Variants in PDE11A observed in about 807,000 individuals in gnomAD.
PDE11A encodes the protein phosphodiesterase 11A, also known as dual 3',5'-cyclic-AMP and -GMP phosphodiesterase 11A.
A neutral mutation model predicts 100.5 loss-of-function variants in PDE11A; 100 were observed. That is an observed-to-expected ratio of 1.00 (90% CI 0.85 to 1.18). The LOEUF is 1.18. Ranked by LOEUF, PDE11A falls within the 50% of genes most tolerant of loss-of-function variation. The probability of loss-of-function intolerance (pLI) is 0.00; values close to 1 mark genes in which losing one functional copy is unlikely to be tolerated. For synonymous variants in PDE11A, 381 were observed against 420.8 expected, an observed-to-expected ratio of 0.91 and a Z score of 1.16; for missense variants, 1,141 against 1,152.6, an observed-to-expected ratio of 0.99 and a Z score of 0.15.
chr2:177,633,506 A>G (rs1220770091), intron 19 of PDE11A, among the ~76,000 whole-genome samples: 2 of 152,256 alleles, frequency 1.3e-5, no homozygotes, highest in East Asian at 3.8e-4. Context: ...AAGACAGAGT[A>G]TGTTCTGTCT....
At chr2:177,733,566 A>G (rs1228445242) in intron 10 of PDE11A, among the ~76,000 whole-genome samples, 4 of 152,228 alleles carry the variant, frequency 2.6e-5, no homozygotes, top group African/African-American at 9.6e-5. Flanking sequence ...TGATGCTCAG[A>G]AAATGGGAAG....
intron 9 of PDE11A, among the ~76,000 whole-genome samples, chr2:177,794,008 T>A (rs2082669644): frequency 6.6e-6 from 1 of 152,126 alleles, no homozygotes; most frequent in African/African-American, 2.4e-5. Context: ...TAGGGATACA[T>A]CAGTCAAAAA....
chr2:177,697,530 A>C, intron 14 of PDE11A, 98 bp from the exon 15 acceptor site: 1 of 706,318 alleles, frequency 1.4e-6, no homozygotes, highest in South Asian at 1.5e-5. Context: ...GAACATTAAA[A>C]AAATCACTTT....
Position 177,627,017 on chromosome 2 carries a change from C to CTTTTTT in PDE11A, c.*2384_*2389dup, listed in dbSNP as rs768524227. On this transcript the variant is annotated 3_prime_UTR_variant, in exon 20 of 20. Transcript: ENST00000286063. ...TATTCCCCTCTTAGTCTGGTTTATA[C>CTTTTTT]TTTTTTTTTTTTTTTTTTTTTTTTT... is the stretch of plus-strand genomic sequence containing the variant. 7 of 40,954 alleles carry CTTTTTT rather than the reference C, an allele frequency of 1.7e-4. 3 individuals are homozygous for CTTTTTT. Among genetic ancestry groups the CTTTTTT allele is most frequent in the African/African-American group, 9.9e-4 (7 of 7,036 alleles). The allele number at this position is 40,954 out of a possible 1,614,324, so 2.5% of individuals were successfully genotyped here.
chr2:177,926,933 G>C (rs17329742), intron 2 of PDE11A: 13,149 of 152,020 alleles, frequency 0.086, 537 homozygotes, highest in South Asian at 0.1. Context: ...TGGTCTTTCT[G>C]CCTCCAGTGT....
intron 9 of PDE11A, among the ~76,000 whole-genome samples, chr2:177,802,499 T>C (rs2082808084): frequency 6.6e-6 from 1 of 152,050 alleles, no homozygotes; most frequent in Non-Finnish European, 1.5e-5. Context: ...TATAATCATA[T>C]AATAAAATGT....
intron 13 of PDE11A, among the ~76,000 whole-genome samples, chr2:177,707,958 T>C (rs1323823858): frequency 1.3e-5 from 2 of 151,976 alleles, no homozygotes; most frequent in Non-Finnish European, 2.9e-5. Context: ...TCTGCATAAG[T>C]GGTAGAGTGG....
At chr2:177,994,034 G>A (rs901296580) in intron 2 of PDE11A, among the ~76,000 whole-genome samples, 11 of 151,034 alleles carry the variant, frequency 7.3e-5, no homozygotes, top group African/African-American at 2.4e-4. Flanking sequence ...CTCCCCGAGC[G>A]ATTCTGCTGC....
At chr2:177,757,740 A>G (rs573873118) in intron 10 of PDE11A, among the ~76,000 whole-genome samples, 2 of 152,252 alleles carry the variant, frequency 1.3e-5, no homozygotes, top group African/African-American at 4.8e-5. Context: ...GAAGGCTTTC[A>G]GAGCCAGTAT....
intron 10 of PDE11A, among the ~76,000 whole-genome samples, chr2:177,753,509 G>T (rs1160868393): frequency 6.6e-6 from 1 of 151,888 alleles, no homozygotes; most frequent in South Asian, 2.1e-4. Flanking sequence ...TAGTTCCTTC[G>T]TTCTCTCCTT....
intron 19 of PDE11A, among the ~76,000 whole-genome samples, chr2:177,641,928 C>T (rs1404765329): frequency 1.3e-5 from 2 of 152,108 alleles, no homozygotes; most frequent in Admixed American, 1.3e-4. Flanking sequence ...TCAAAACTAC[C>T]AGGTATGTGC....
intron 1 of PDE11A, among the ~76,000 whole-genome samples, chr2:178,051,460 A>T (rs1559055107): frequency 6.6e-6 from 1 of 152,216 alleles, no homozygotes; most frequent in Non-Finnish European, 1.5e-5. Flanking sequence ...AACGGGCAAA[A>T]TAACCAGCTA....
chr2:178,107,711 C>CTTTTTTT (rs772556248), intron 1 of PDE11A, among the ~76,000 whole-genome samples: 2 of 142,654 alleles, frequency 1.4e-5, no homozygotes. Flanking sequence ...TTAACAATTC[C>CTTTTTTT]TTTTTTTTTC....
At chr2:177,821,960 C>T (rs1284829360) in intron 6 of PDE11A, among the ~76,000 whole-genome samples, 2 of 151,202 alleles carry the variant, frequency 1.3e-5, no homozygotes, top group Non-Finnish European at 3.0e-5. Flanking sequence ...AAAATTGGCT[C>T]GTAAAAGTAT....
chr2:177,739,176 A>G (rs144661247), intron 10 of PDE11A, among the ~76,000 whole-genome samples: 1,615 of 152,252 alleles, frequency 0.011, 34 homozygotes, highest in African/African-American at 0.036. Flanking sequence ...TCCTGTTTTT[A>G]TCGTTTTGTT....
At chr2:178,039,915 T>C (rs1024686774) in intron 1 of PDE11A, among the ~76,000 whole-genome samples, 10 of 151,982 alleles carry the variant, frequency 6.6e-5, no homozygotes, top group East Asian at 1.9e-4. Flanking sequence ...GCATATTGTA[T>C]AGGAAAACAA....
rs142384716 is a variant in PDE11A, at chr2:178,104,162, T to A, written c.162+140A>T. On this transcript the variant is annotated intron_variant, in intron 2 of 20. Transcript: ENST00000358450. ...AGTTATCCAAATGCAGGTCTTATGATATAAATCCATATTTCAGTAATATGT... is the reference window on the plus strand; with the variant it reads ...AGTTATCCAAATGCAGGTCTTATGAAATAAATCCATATTTCAGTAATATGT... The A allele has an allele frequency of 1.7e-3, 1,289 of 778,006 alleles. 17 individuals are homozygous for A. In the African/African-American group the frequency reaches 0.019, roughly 12 times the overall value. 48.2% of individuals were successfully genotyped at this position (778,006 alleles called of 1,614,324 possible).
At chr2:177,753,664 A>G (rs16865752) in intron 10 of PDE11A, among the ~76,000 whole-genome samples, 7,276 of 151,756 alleles carry the variant, frequency 0.048, 622 homozygotes, top group African/African-American at 0.17. Context: ...CCTATATGGC[A>G]TGTTAGTCCT....
chr2:177,995,492 G>A (rs1473374894), intron 2 of PDE11A, among the ~76,000 whole-genome samples: 4 of 152,132 alleles, frequency 2.6e-5, no homozygotes, highest in Non-Finnish European at 5.9e-5. Context: ...AAATACATCA[G>A]ACTACTAGAA....
Sources: allele counts gnomAD v4.1 joint callset (sites outside exome capture counted in the v4.1 genomes callset), GRCh38; gene constraint gnomAD v4.1.1; transcripts MANE v1.5; gene names NCBI Gene and HGNC (gene_info 2026-07-23, HGNC 2026-07-21).